Variants in SMC2 observed in about 807,000 individuals in gnomAD.
SMC2 encodes structural maintenance of chromosomes 2, also known as structural maintenance of chromosomes protein 2.
Under a neutral mutation model 142.6 loss-of-function variants are expected in SMC2, and 41 were observed. The ratio of observed to expected loss-of-function variants is 0.29; its 90% CI spans 0.22 to 0.37. The LOEUF is 0.37. SMC2 is among the 10% of genes least tolerant of loss of function. SMC2 has a pLI of 1.00. For missense variants in SMC2, 1,265 were observed against 1,373.7 expected (o/e 0.92, Z 1.25); for synonymous variants, 463 against 457.5 (o/e 1.01, Z -0.15).
At chr9:104,118,455 A>C (rs550945324) in intron 15 of SMC2, 80 bp downstream of exon 15, 1 of 1,126,552 alleles carries the variant, frequency 8.9e-7, no homozygotes, top group East Asian at 2.4e-5. Context: ...TTTTAGCCCA[A>C]CTACCCACTT....
At chr9:104,106,956 C>G (rs1831864528) in intron 9 of SMC2, among the ~76,000 whole-genome samples, 1 of 152,152 alleles carries the variant, frequency 6.6e-6, no homozygotes, top group South Asian at 2.1e-4. Flanking sequence ...ATGGAACTTT[C>G]AGTAAACCCC....
chr9:104,130,612 G>A (rs1834859714), intron 21 of SMC2, among the ~76,000 whole-genome samples: 1 of 152,074 alleles, frequency 6.6e-6, no homozygotes, highest in African/African-American at 2.4e-5. Flanking sequence ...TTTTTGGCAT[G>A]AATATGCACA....
At chr9:104,113,591 CATTAGT>C in intron 11 of SMC2, 116 bp downstream of exon 11, 2 of 778,564 alleles carry the variant, frequency 2.6e-6, no homozygotes, top group South Asian at 2.5e-5. Context: ...TATTAACAAG[CATTAGT>C]ATAAGAAGTG....
intron 9 of SMC2, among the ~76,000 whole-genome samples, chr9:104,103,329 A>G (rs74696771): frequency 0.017 from 2,522 of 152,334 alleles, 31 homozygotes; most frequent in Middle Eastern, 0.037. Context: ...AGAAAAAAGA[A>G]AAGTGAATAT....
chr9:104,098,306 C>G, intron 3 of SMC2, 140 bp from the exon 4 acceptor site: 1 of 616,254 alleles, frequency 1.6e-6, no homozygotes, highest in Non-Finnish European at 2.6e-6. Flanking sequence ...CCATGTCATA[C>G]TTGTTCCACT....
At chr9:104,111,881 T>G (rs1672081936) in intron 10 of SMC2, 67 bp downstream of exon 10, 3 of 1,115,940 alleles carry the variant, frequency 2.7e-6, no homozygotes, top group Non-Finnish European at 3.8e-6. Flanking sequence ...ATGTTATGCT[T>G]TGGCAATTGT....
chr9:104,121,634 TTGAAA>T (rs1388938431), intron 16 of SMC2, among the ~76,000 whole-genome samples: 1 of 152,218 alleles, frequency 6.6e-6, no homozygotes, highest in African/African-American at 2.4e-5. Flanking sequence ...TAAATAAATG[TTGAAA>T]TGATTATTTT....
chr9:104,100,458 A>G (rs1830982133), intron 7 of SMC2, 25 bp downstream of exon 7: 2 of 1,364,054 alleles, frequency 1.5e-6, no homozygotes, highest in African/African-American at 1.5e-5. Flanking sequence ...TGTGAGGATA[A>G]TCTATTAGAA....
chr9:104,100,748 A>T (rs1346266102), intron 7 of SMC2, among the ~76,000 whole-genome samples: 2 of 152,224 alleles, frequency 1.3e-5, no homozygotes, highest in Non-Finnish European at 2.9e-5. Context: ...TTTCTTAAAG[A>T]TAAGGCACTC....
At chr9:104,112,917 A>T (rs1192908648) in intron 10 of SMC2, among the ~76,000 whole-genome samples, 1 of 152,126 alleles carries the variant, frequency 6.6e-6, no homozygotes, top group African/African-American at 2.4e-5. Flanking sequence ...CTGTTATTAG[A>T]TAGCACTCAC....
chr9:104,110,738 G>A (rs1832342097), intron 9 of SMC2, among the ~76,000 whole-genome samples: 1 of 152,156 alleles, frequency 6.6e-6, no homozygotes, highest in South Asian at 2.1e-4. Flanking sequence ...GGGCTTTCAA[G>A]TATACTGCCC....
At chr9:104,088,751 C>T in the SMC2 span, among the ~76,000 whole-genome samples, 2 of 152,130 alleles carry the variant, frequency 1.3e-5, no homozygotes, top group Non-Finnish European at 2.9e-5. Flanking sequence ...GCCTTTCACT[C>T]TTCATTTCTC....
At position 104,102,066 on chromosome 9, in the gene SMC2, G is replaced by A. The variant is rs148946777; in HGVS notation, c.743G>A (p.Arg248His). The change falls in exon 8 of 25, where the codon CGC (arginine) becomes CAC (histidine). Residue 248 changes from arginine (R) to histidine (H), a missense_variant. This residue lies in a region of SMC2 where 898 missense variants were observed against 904.2 expected (regional missense o/e 0.99). Transcript: ENST00000374793. ...QFLLAEDTKV[R>H]SAEELKEMQD... The stretch of plus-strand genomic sequence containing the variant: ...TTGCTGGCTGAAGATACCAAAGTAC[G>A]CTCAGCTGAGGAATTAAAAGAAATG... 24 of 1,608,672 alleles carry A rather than the reference G, an allele frequency of 1.5e-5. No homozygotes were observed. The highest frequency in any genetic ancestry group is 1.6e-4 in the Middle Eastern group (1 of 6,068).
chr9:104,101,857 G>A (rs1831167064), intron 7 of SMC2, 103 bp from the exon 8 acceptor site: 2 of 694,300 alleles, frequency 2.9e-6, no homozygotes, highest in Admixed American at 5.6e-5. Flanking sequence ...TTTAATACAG[G>A]ACAAAATCTA....
At chr9:104,091,425 C>T (rs1033179288), upstream of SMC2, among the ~76,000 whole-genome samples, 55 of 151,548 alleles carry the variant, frequency 3.6e-4, no homozygotes, top group Non-Finnish European at 3.7e-4. Flanking sequence ...TCTTAAGGGA[C>T]CACAGTCACA....
Position 104,139,227 on chromosome 9 carries a change from C to T in SMC2, c.3506C>T (p.Ala1169Val), listed in dbSNP as rs371103736. ...TKFVDGVSTV[A>V]RFTQCQNGKI... ...TTTGTGGATGGTGTTTCTACAGTAG[C>T]CAGATTTACTCAATGTCAAAATGGA... is the stretch of plus-strand genomic sequence containing the variant. Residue 1169 changes from alanine to valine, a missense_variant, in exon 25 of 25, where the codon GCC (alanine) becomes GTC (valine). Transcript: ENST00000374793. The T allele has an allele frequency of 2.5e-6, 4 of 1,601,342 alleles. No individual in the cohort carries two copies. The highest frequency in any genetic ancestry group is 3.4e-6 in the Non-Finnish European group (4 of 1,175,456).
At chr9:104,129,458 C>G (rs139101099) in intron 20 of SMC2, among the ~76,000 whole-genome samples, 187 bp from the exon 21 acceptor site, 7 of 150,484 alleles carry the variant, frequency 4.7e-5, no homozygotes, top group African/African-American at 1.7e-4. Flanking sequence ...GCCAAGATCG[C>G]GCCATTGCAC....
intron 1 of SMC2, 160 bp downstream of exon 1, chr9:104,094,637 C>A (rs1412662841): frequency 1.1e-5 from 4 of 374,618 alleles, no homozygotes; most frequent in East Asian, 7.4e-5. Flanking sequence ...AGCTTCTGTT[C>A]GACCTTGGAG....
chr9:104,114,602 G>A (rs1409778101), intron 12 of SMC2, 89 bp from the exon 13 acceptor site: 1 of 1,139,914 alleles, frequency 8.8e-7, no homozygotes, highest in Non-Finnish European at 1.2e-6. Flanking sequence ...TCACTTTAAT[G>A]TGTTGTCCAA....
Sources: allele counts gnomAD v4.1 joint callset (sites outside exome capture counted in the v4.1 genomes callset), GRCh38; gene constraint gnomAD v4.1.1; regional missense constraint gnomAD v4.1.1; transcripts MANE v1.5; gene names NCBI Gene and HGNC (gene_info 2026-07-23, HGNC 2026-07-21).